The following PHYHIPL variants were observed in gnomAD, a reference collection of about 807,000 sequenced individuals.
PHYHIPL encodes phytanoyl-CoA hydroxylase-interacting protein-like.
In PHYHIPL, 9 loss-of-function variants were observed where a neutral mutation model predicts 33.4. That is an observed-to-expected ratio of 0.27 (90% CI 0.16 to 0.47). PHYHIPL has a LOEUF of 0.47. Ranked by LOEUF, PHYHIPL falls within the 20% of genes least tolerant of loss-of-function variation. The probability of loss-of-function intolerance (pLI) is 0.99; values close to 1 mark genes in which losing one functional copy is unlikely to be tolerated. For missense variants in PHYHIPL, 365 were observed against 460.7 expected (o/e 0.79, Z 1.90); for synonymous variants, 153 against 154.1 (o/e 0.99, Z 0.05).
intron 1 of PHYHIPL, among the ~76,000 whole-genome samples, chr10:59,191,014 C>A (rs568946793): frequency 6.6e-6 from 1 of 151,784 alleles, no homozygotes; most frequent in African/African-American, 2.4e-5. Flanking sequence ...ACAGGAGCTA[C>A]CATTCCTGTG....
intron 1 of PHYHIPL, among the ~76,000 whole-genome samples, chr10:59,186,899 T>A (rs1378492231): frequency 1.3e-5 from 2 of 152,230 alleles, no homozygotes; most frequent in Middle Eastern, 3.2e-3. Context: ...TACAATCATG[T>A]CATCTGCAAA....
intron 4 of PHYHIPL, among the ~76,000 whole-genome samples, chr10:59,240,987 T>C (rs1383325955): frequency 6.6e-6 from 1 of 152,186 alleles, no homozygotes; most frequent in Non-Finnish European, 1.5e-5. Context: ...AAGCTGTGTT[T>C]ACTAACAAGA....
At chr10:59,177,540 T>G in intron 1 of PHYHIPL, 2 of 1,551,716 alleles carry the variant, frequency 1.3e-6, no homozygotes, top group East Asian at 4.9e-5. Context: ...AGACACAATC[T>G]TCATGGTTCC....
At chr10:59,211,628 A>G (rs1173115018) in intron 1 of PHYHIPL, among the ~76,000 whole-genome samples, 7 of 126,764 alleles carry the variant, frequency 5.5e-5, no homozygotes, top group Non-Finnish European at 1.1e-4. Flanking sequence ...CACCCGCCTC[A>G]GCGTCCCAAA....
At chr10:59,207,133 T>C (rs1189954108) in intron 1 of PHYHIPL, among the ~76,000 whole-genome samples, 4 of 152,196 alleles carry the variant, frequency 2.6e-5, no homozygotes, top group Non-Finnish European at 5.9e-5. Flanking sequence ...CAGAGGTGGC[T>C]GGCAAGATGG....
At chr10:59,177,460 T>C (rs1838285295) in intron 1 of PHYHIPL, 3 of 1,529,338 alleles carry the variant, frequency 2.0e-6, no homozygotes, top group Non-Finnish European at 2.6e-6. Context: ...TTTTAGCCTC[T>C]TGGATTGGGA....
intron 1 of PHYHIPL, among the ~76,000 whole-genome samples, chr10:59,205,559 G>A (rs956798136): frequency 1.3e-5 from 2 of 152,080 alleles, no homozygotes; most frequent in Non-Finnish European, 2.9e-5. Context: ...ATGTGCCCTG[G>A]TAAAAGAATG....
At position 59,247,270 on chromosome 10, in the gene PHYHIPL, G is replaced by A. The variant is rs1840788657; in HGVS notation, c.*1679G>A. The A allele has an allele frequency of 9.2e-6, 2 of 216,830 alleles. No homozygotes were observed. Among genetic ancestry groups the A allele is most frequent in the Admixed American group, 6.1e-5 (1 of 16,396 alleles). The allele number at this position is 216,830 out of a possible 1,614,324, so 13.4% of individuals were successfully genotyped here. A position where few individuals can be genotyped will look rare whatever the true frequency, so the allele number is the denominator to read the frequency against. ...CATACATCAACATAAACAGTCTTTG[G>A]ATACTAAATAAACTTTCCCTAACAA... On this transcript the variant is annotated 3_prime_UTR_variant, in exon 5 of 5. Transcript: ENST00000373880.
At chr10:59,177,017 C>T (rs1838269495) in intron 1 of PHYHIPL, 58 bp downstream of exon 1, 5 of 1,484,504 alleles carry the variant, frequency 3.4e-6, no homozygotes, top group Non-Finnish European at 3.7e-6. Context: ...GCGCCGGGGC[C>T]ACTCTGGCTC....
intron 1 of PHYHIPL, chr10:59,206,958 T>C (rs1839300397): frequency 3.4e-6 from 1 of 296,390 alleles, no homozygotes; most frequent in Non-Finnish European, 5.4e-6. Context: ...AAAGATGGGC[T>C]TCTTTAGCAA....
chr10:59,247,755 A>G lies in PHYHIPL; in HGVS notation c.*2164A>G. The G allele has an allele frequency of 6.2e-7, 1 of 1,604,710 alleles. No homozygotes were observed. Among genetic ancestry groups the G allele is most frequent in the Non-Finnish European group, 8.5e-7 (1 of 1,175,078 alleles). ...GTGGACTTCTGCAAAACAAAAATAC[A>G]TTTGTTAGTTCACAATGAATCAAGT... On this transcript the variant is annotated 3_prime_UTR_variant, in exon 5 of 5. Transcript: ENST00000373880.
chr10:59,177,459 CTTGGA>C, intron 1 of PHYHIPL: 1 of 1,528,528 alleles, frequency 6.5e-7, no homozygotes, highest in South Asian at 1.2e-5. Flanking sequence ...TTTTTAGCCT[CTTGGA>C]TTGGGATTAG....
intron 1 of PHYHIPL, among the ~76,000 whole-genome samples, chr10:59,226,983 A>G (rs1335711765): frequency 6.6e-6 from 1 of 152,236 alleles, no homozygotes; most frequent in Non-Finnish European, 1.5e-5. Flanking sequence ...AATTTAGCCA[A>G]TATAAAAGAT....
At chr10:59,216,891 T>A (rs1839630191) in intron 1 of PHYHIPL, among the ~76,000 whole-genome samples, 1 of 152,172 alleles carries the variant, frequency 6.6e-6, no homozygotes, top group Non-Finnish European at 1.5e-5. Flanking sequence ...AAGCGCAAAC[T>A]ATAGTCTCAT....
intron 1 of PHYHIPL, among the ~76,000 whole-genome samples, chr10:59,180,025 C>A (rs1456887328): frequency 2.0e-5 from 3 of 151,676 alleles, no homozygotes; most frequent in Non-Finnish European, 4.4e-5. Context: ...TTTTGTTTCT[C>A]CATCTCTGCT....
At chr10:59,192,376 C>T (rs1322407177) in intron 1 of PHYHIPL, among the ~76,000 whole-genome samples, 1 of 152,016 alleles carries the variant, frequency 6.6e-6, no homozygotes, top group African/African-American at 2.4e-5. Context: ...GGGACCCATC[C>T]CCTGAGTTTC....
intron 1 of PHYHIPL, among the ~76,000 whole-genome samples, chr10:59,198,127 A>T (rs1278907855): frequency 2.6e-5 from 4 of 152,218 alleles, no homozygotes; most frequent in Admixed American, 6.5e-5. Context: ...ATATGTATAC[A>T]TGTGCCATGT....
chr10:59,198,175 G>C (rs914905006), intron 1 of PHYHIPL, among the ~76,000 whole-genome samples: 5 of 151,922 alleles, frequency 3.3e-5, no homozygotes, highest in Admixed American at 6.6e-5. Flanking sequence ...TTTACATTAC[G>C]TATATCTCCT....
intron 1 of PHYHIPL, among the ~76,000 whole-genome samples, chr10:59,178,499 T>C (rs767323441): frequency 6.6e-6 from 1 of 152,186 alleles, no homozygotes; most frequent in African/African-American, 2.4e-5. Context: ...CTTTTTGTAA[T>C]GTAACCATTG....
Sources: allele counts gnomAD v4.1 joint callset (sites outside exome capture counted in the v4.1 genomes callset), GRCh38; gene constraint gnomAD v4.1.1; transcripts MANE v1.5; gene names NCBI Gene and HGNC (gene_info 2026-07-23, HGNC 2026-07-21).